The following PIGU variants were observed in gnomAD, a reference collection of about 807,000 sequenced individuals.
PIGU encodes the protein phosphatidylinositol glycan anchor biosynthesis class U.
Under a neutral mutation model 49.9 loss-of-function variants are expected in PIGU, and 24 were observed. The observed-to-expected ratio is 0.48, with a 90% CI of 0.35 to 0.68. The LOEUF is 0.68. Among genes scored for constraint, PIGU ranks in the 30% least tolerant of loss-of-function variants. PIGU has a pLI of 0.01. For missense variants in PIGU, 490 were observed against 532.6 expected (o/e 0.92, Z 0.79); for synonymous variants, 220 against 205.7 (o/e 1.07, Z -0.59).
At chr20:34,669,837 C>T (rs1987251551) in intron 1 of PIGU, among the ~76,000 whole-genome samples, 1 of 151,872 alleles carries the variant, frequency 6.6e-6, no homozygotes, top group Admixed American at 6.6e-5. Context: ...AATAGATAAA[C>T]ACTATGGAAG....
intron 4 of PIGU, among the ~76,000 whole-genome samples, chr20:34,643,111 A>G (rs990830417): frequency 6.6e-6 from 1 of 152,128 alleles, no homozygotes; most frequent in Non-Finnish European, 1.5e-5. Flanking sequence ...GATATGCTCC[A>G]TTAGTTTAAG....
At chr20:34,661,847 T>C (rs1327689903) in intron 1 of PIGU, among the ~76,000 whole-genome samples, 1 of 152,148 alleles carries the variant, frequency 6.6e-6, no homozygotes. Context: ...TGTATAAGTG[T>C]TTCCTTTTCT....
At chr20:34,591,743 TAATA>T (rs1446837726) in intron 7 of PIGU, among the ~76,000 whole-genome samples, 4 of 152,240 alleles carry the variant, frequency 2.6e-5, no homozygotes, top group Non-Finnish European at 5.9e-5. Flanking sequence ...TCATGTTGCA[TAATA>T]AATCTCTTGA....
At chr20:34,585,014 T>C (rs1245488325) in intron 9 of PIGU, among the ~76,000 whole-genome samples, 1 of 152,080 alleles carries the variant, frequency 6.6e-6, no homozygotes, top group Non-Finnish European at 1.5e-5. Context: ...TTTAAATTTT[T>C]TGTAGATACA....
intron 1 of PIGU, among the ~76,000 whole-genome samples, chr20:34,667,561 A>T (rs1987142381): frequency 6.6e-6 from 1 of 152,218 alleles, no homozygotes; most frequent in Non-Finnish European, 1.5e-5. Flanking sequence ...AGAATAATCC[A>T]AACAACAGAA....
At chr20:34,651,009 C>G (rs1177897483) in intron 2 of PIGU, among the ~76,000 whole-genome samples, 1 of 152,072 alleles carries the variant, frequency 6.6e-6, no homozygotes, top group African/African-American at 2.4e-5. Context: ...CCACCATGCC[C>G]AGCCAATGGT....
At chr20:34,589,629 G>T (rs1600604865) in intron 7 of PIGU, among the ~76,000 whole-genome samples, 1 of 149,310 alleles carries the variant, frequency 6.7e-6, no homozygotes, top group East Asian at 2.0e-4. Flanking sequence ...GGGATTATAG[G>T]CGTGAGCCAC....
At chr20:34,639,068 T>C (rs929925854) in intron 4 of PIGU, among the ~76,000 whole-genome samples, 1 of 152,186 alleles carries the variant, frequency 6.6e-6, no homozygotes, top group Admixed American at 6.5e-5. Context: ...ATATACTGCA[T>C]TGTGACATTT....
chr20:34,657,289 T>G, intron 1 of PIGU, 45 bp from the exon 2 acceptor site: 1 of 1,476,110 alleles, frequency 6.8e-7, no homozygotes, highest in Non-Finnish European at 9.5e-7. Context: ...AGCAGGCAGC[T>G]ACAGACCAAA....
intron 7 of PIGU, among the ~76,000 whole-genome samples, chr20:34,598,779 C>T (rs544179027): frequency 1.3e-5 from 2 of 152,344 alleles, no homozygotes; most frequent in South Asian, 2.1e-4. Flanking sequence ...TAAGGAATTA[C>T]GCCTCAGGCG....
chr20:34,589,584 C>T (rs1415545350), intron 7 of PIGU, among the ~76,000 whole-genome samples: 1 of 151,146 alleles, frequency 6.6e-6, no homozygotes, highest in Admixed American at 6.6e-5. Flanking sequence ...ATCTCTTGAC[C>T]TCGTGAATCA....
chr20:34,633,933 T>A (rs1176951896), intron 6 of PIGU, among the ~76,000 whole-genome samples: 1 of 152,042 alleles, frequency 6.6e-6, no homozygotes, highest in Non-Finnish European at 1.5e-5. Flanking sequence ...AAATTTATAA[T>A]TCAGGAAATA....
intron 1 of PIGU, among the ~76,000 whole-genome samples, chr20:34,659,329 C>T (rs866403782): frequency 5.6e-5 from 8 of 143,164 alleles, no homozygotes; most frequent in African/African-American, 7.9e-5. Flanking sequence ...CCCGGCCAGC[C>T]GCCCCGTCCG....
At chr20:34,578,625 G>A (rs1339814207) in intron 10 of PIGU, among the ~76,000 whole-genome samples, 3 of 152,196 alleles carry the variant, frequency 2.0e-5, no homozygotes, top group African/African-American at 7.2e-5. Context: ...CTATCTCGAA[G>A]GGCTGCAAAG....
At chr20:34,622,783 A>G (rs1377313635) in intron 6 of PIGU, among the ~76,000 whole-genome samples, 2 of 152,216 alleles carry the variant, frequency 1.3e-5, no homozygotes, top group Non-Finnish European at 2.9e-5. Context: ...AGGGCAGCCC[A>G]GATGCACAGG....
intron 1 of PIGU, among the ~76,000 whole-genome samples, chr20:34,657,875 A>G (rs1986751333): frequency 1.3e-5 from 2 of 152,340 alleles, no homozygotes; most frequent in African/African-American, 4.8e-5. Flanking sequence ...ATATCTCTAT[A>G]TAATGGAATG....
chr20:34,668,240 A>T (rs1291340425), intron 1 of PIGU, among the ~76,000 whole-genome samples: 1 of 151,936 alleles, frequency 6.6e-6, no homozygotes, highest in Non-Finnish European at 1.5e-5. Flanking sequence ...AGGCAGGTGG[A>T]TCACCTGAGG....
In PIGU at chr20:34,616,073, A is replaced by G; in HGVS notation, c.596T>C (p.Leu199Ser). ...GAGATAGAGGAGTCCTGGGACAAAC[A>G]AGGTGAGTGGGTACAGAGACTGGTA... ...ATYQSLYPLT[L>S]FVPGLLYLLQ... Residue 199 changes from leucine to serine, a missense_variant, in exon 7 of 12, where the codon TTG becomes TCG. Transcript: ENST00000217446. 6.2e-7 allele frequency: 1 copy of G among 1,612,926 alleles called. No homozygotes were observed. Among genetic ancestry groups the G allele is most frequent in the Non-Finnish European group, 8.5e-7 (1 of 1,179,566 alleles).
At chr20:34,635,746 A>G (rs774061502) in intron 5 of PIGU, among the ~76,000 whole-genome samples, 5 of 152,186 alleles carry the variant, frequency 3.3e-5, no homozygotes, top group Non-Finnish European at 5.9e-5. Flanking sequence ...GTGGTGGCAC[A>G]TGCCTGTAAT....
Sources: allele counts gnomAD v4.1 joint callset (sites outside exome capture counted in the v4.1 genomes callset), GRCh38; gene constraint gnomAD v4.1.1; transcripts MANE v1.5; gene names NCBI Gene and HGNC (gene_info 2026-07-23, HGNC 2026-07-21).